ZNF778: variants seen among roughly 807,000 people sequenced by gnomAD.
ZNF778 encodes the protein zinc finger protein 778.
In ZNF778, 37 loss-of-function variants were observed where a neutral mutation model predicts 23.9. The ratio of observed to expected loss-of-function variants is 1.54; its 90% CI spans 1.19 to 2.03. The LOEUF (loss-of-function observed/expected upper bound fraction) is 2.03, where lower values mean the gene tolerates loss of function less well. Among genes scored for constraint, ZNF778 ranks in the 30% most tolerant of loss-of-function variants. The pLI is 0.00. For synonymous variants in ZNF778, 483 were observed against 343.9 expected, an observed-to-expected ratio of 1.40 and a Z score of -4.48; for missense variants, 1,297 against 934.4, an observed-to-expected ratio of 1.39 and a Z score of -5.06.
At chr16:89,218,866 G>A (rs965074032) in intron 1 of ZNF778, among the ~76,000 whole-genome samples, 1 of 152,036 alleles carries the variant, frequency 6.6e-6, no homozygotes, top group African/African-American at 2.4e-5. Context: ...CTAGCACTTT[G>A]GGAGGCCGAG....
At chr16:89,219,526 A>G (rs757649719) in intron 1 of ZNF778, among the ~76,000 whole-genome samples, 3 of 152,150 alleles carry the variant, frequency 2.0e-5, no homozygotes, top group Non-Finnish European at 4.4e-5. Context: ...GCCCCAGCCT[A>G]TTTCTGAAAA....
At chr16:89,223,562 C>A (rs1036132887) in intron 4 of ZNF778, among the ~76,000 whole-genome samples, 1 of 152,180 alleles carries the variant, frequency 6.6e-6, no homozygotes, top group Admixed American at 6.5e-5. Context: ...TCTCCTGTAA[C>A]AAGCCCTCCC....
In ZNF778 at chr16:89,228,272, G is replaced by A. The variant is rs1383882373; in HGVS notation, c.1984G>A (p.Glu662Lys). The A allele has an allele frequency of 2.6e-5, 41 of 1,605,324 alleles. No homozygotes were observed. The highest frequency in any genetic ancestry group is 3.4e-5 in the Admixed American group (2 of 59,658). ...CTTTGCTTCCTCCTCACACCTTATC[G>A]AACACAGAAGGACTCACACAGGAGA... ...KAFASSSHLI[E>K]HRRTHTGEKP... Residue 662 changes from glutamate (E) to lysine (K), a missense_variant, in exon 7 of 7, where the codon GAA becomes AAA. Transcript: ENST00000433976.
In ZNF778 at chr16:89,234,978, C is replaced by G. The variant is rs1235016040; in HGVS notation, c.*6416C>G. On this transcript the variant is annotated 3_prime_UTR_variant, in exon 7 of 7. Coordinates refer to ENST00000433976, the MANE Select transcript of ZNF778 (RefSeq NM_001201407.2). ...CAAATTTATACAACCTTTCCTTTAT[C>G]TTCATCAGAAATTTCTTTTCTCCTA... The G allele has an allele frequency of 6.6e-6, 1 of 152,108 alleles. No individual in the cohort carries two copies. Among genetic ancestry groups the G allele is most frequent in the East Asian group, 1.9e-4 (1 of 5,188 alleles). 9.4% of individuals were successfully genotyped at this position (152,108 alleles called of 1,614,324 possible). A position where few individuals can be genotyped will look rare whatever the true frequency, so the allele number is the denominator to read the frequency against.
In ZNF778 at chr16:89,228,328, A is replaced by G; in HGVS notation, c.2040A>G (p.Lys680=). 4 of 1,613,864 alleles carry G rather than the reference A, an allele frequency of 2.5e-6. No individual in the cohort carries two copies. The highest frequency in any genetic ancestry group is 3.4e-6 in the Non-Finnish European group (4 of 1,179,808). The change falls in exon 7 of 7, where the codon AAA becomes AAG. Residue 680 remains lysine (K), a synonymous_variant. Transcript: ENST00000433976. ...CTTACATATGTAACGAGTGTGGGAA[A>G]GCCTTCCGTGCCTCCTCTCACCTGC... ...EKPYICNECG[K]AFRASSHLHK...
chr16:89,223,422 T>C, intron 4 of ZNF778, 139 bp downstream of exon 4: 2 of 1,221,710 alleles, frequency 1.6e-6, no homozygotes, highest in Admixed American at 4.5e-5. Flanking sequence ...GGCTTGGTGC[T>C]AGTGTGGTCG....
chr16:89,229,072 A>G lies in ZNF778; in HGVS notation c.*510A>G, dbSNP rs1232811861. On this transcript the variant is annotated 3_prime_UTR_variant, in exon 7 of 7. Coordinates refer to ENST00000433976, the MANE Select transcript of ZNF778 (RefSeq NM_001201407.2). ...TTCTGTAGACGTATTTTGAATCTTTATGATGCTGCACTGATCATTCTTGGA... is the reference window on the plus strand; with the variant it reads ...TTCTGTAGACGTATTTTGAATCTTTGTGATGCTGCACTGATCATTCTTGGA... The G allele has an allele frequency of 1.0e-5, 10 of 992,240 alleles. No individual in the cohort carries two copies. The highest frequency in any genetic ancestry group is 1.2e-5 in the Non-Finnish European group (10 of 834,390). 61.5% of individuals were successfully genotyped at this position (992,240 alleles called of 1,614,324 possible).
At position 89,227,121 on chromosome 16, in the gene ZNF778, G is replaced by C; in HGVS notation, c.833G>C (p.Arg278Thr). Residue 278 changes from arginine to threonine, a missense_variant, in exon 7 of 7, where the codon AGG (arginine) becomes ACG (threonine). Coordinates refer to ENST00000433976, the MANE Select transcript of ZNF778 (RefSeq NM_001201407.2). The stretch of plus-strand genomic sequence containing the variant: ...ACACCTGTTGAAATGCATGCCGTCA[G>C]GAATCCCCACGTATGTAGGGAATGT... ...CATPVEMHAV[R>T]NPHVCRECGK... 1 of 1,614,060 alleles carries C rather than the reference G, an allele frequency of 6.2e-7. No individual in the cohort carries two copies. Among genetic ancestry groups the C allele is most frequent in the East Asian group, 2.2e-5 (1 of 44,888 alleles).
intron 4 of ZNF778, among the ~76,000 whole-genome samples, chr16:89,223,847 C>G (rs1480016910): frequency 1.3e-5 from 2 of 149,878 alleles, no homozygotes; most frequent in African/African-American, 2.4e-5. Flanking sequence ...GCACTCCAGC[C>G]TGGGTGACAG....
In ZNF778 at chr16:89,217,779, C is replaced by T. The variant is rs1312700716; in HGVS notation, c.-263C>T. 6.6e-6 allele frequency: 1 copy of T among 152,208 alleles called. No individual in the cohort carries two copies. Among genetic ancestry groups the T allele is most frequent in the African/African-American group, 2.4e-5 (1 of 41,456 alleles). 9.4% of individuals were successfully genotyped at this position (152,208 alleles called of 1,614,324 possible). A position where few individuals can be genotyped will look rare whatever the true frequency, so the allele number is the denominator to read the frequency against. On this transcript the variant is annotated 5_prime_UTR_variant, in exon 1 of 7. Coordinates refer to ENST00000433976, the MANE Select transcript of ZNF778 (RefSeq NM_001201407.2). ...GTTCCGCGCGTGTCCTCGGGCTGTC[C>T]GCGGGGAAGCTGGTCCGGGAGTGGG...
intron 1 of ZNF778, among the ~76,000 whole-genome samples, chr16:89,220,022 C>T (rs1452839344): frequency 6.6e-6 from 1 of 152,154 alleles, no homozygotes; most frequent in African/African-American, 2.4e-5. Context: ...TCACTGTATC[C>T]AACCAGCCTC....
chr16:89,223,103 G>A (rs772775415), intron 3 of ZNF778, 54 bp from the exon 4 acceptor site: 85 of 1,585,056 alleles, frequency 5.4e-5, no homozygotes, highest in Non-Finnish European at 7.0e-5. Flanking sequence ...TCATTCTTCA[G>A]TGAATACCGA....
rs1166936757 is a variant in ZNF778, at chr16:89,232,999, AG to A, written c.*4438del. On this transcript the variant is annotated 3_prime_UTR_variant, in exon 7 of 7. Transcript: ENST00000433976. The stretch of plus-strand genomic sequence containing the variant: ...TGAGCTCGCTCTGCGTATGCAACCC[AG>A]CTCGCTCTGCGTATGCAACTCAAGT... The A allele has an allele frequency of 1.5e-5, 19 of 1,266,522 alleles. No individual in the cohort carries two copies. Among genetic ancestry groups the A allele is most frequent in the Admixed American group, 4.8e-5 (2 of 41,762 alleles). 78.5% of individuals were successfully genotyped at this position (1,266,522 alleles called of 1,614,324 possible). A position where few individuals can be genotyped will look rare whatever the true frequency, so the allele number is the denominator to read the frequency against.
In ZNF778 at chr16:89,234,045, C is replaced by A; in HGVS notation, c.*5483C>A. On this transcript the variant is annotated 3_prime_UTR_variant, in exon 7 of 7. Coordinates refer to ENST00000433976, the MANE Select transcript of ZNF778 (RefSeq NM_001201407.2). ...TGGCCTCTGCCTCCCCTGGCTCTGA[C>A]TTCTGCCTCCTGCCCAGCTCTGCAG... The A allele has an allele frequency of 2.3e-6, 2 of 857,440 alleles. No homozygotes were observed. The highest frequency in any genetic ancestry group is 3.4e-6 in the Non-Finnish European group (2 of 593,946). The allele number at this position is 857,440 out of a possible 1,614,324, so 53.1% of individuals were successfully genotyped here.
At position 89,222,075 on chromosome 16, in the gene ZNF778, C is replaced by T. The variant is rs1039476838; in HGVS notation, c.26-17C>T. ...AGCTCTGGGTTCTCATGCCTTCTTG[C>T]CTTCTTTGTTTTTTAGGAGGTCATG... On this transcript the variant is annotated splice_polypyrimidine_tract_variant and intron_variant, in intron 2 of 6. Transcript: ENST00000433976. 1.3e-5 allele frequency: 20 copies of T among 1,572,540 alleles called. No homozygotes were observed. The highest frequency in any genetic ancestry group is 1.2e-5 in the Non-Finnish European group (14 of 1,151,994).
Position 89,227,929 on chromosome 16 carries a change from A to G in ZNF778, c.1641A>G (p.Leu547=), listed in dbSNP as rs1410599326. The G allele has an allele frequency of 1.9e-6, 3 of 1,613,806 alleles. No individual in the cohort carries two copies. The highest frequency in any genetic ancestry group is 2.2e-5 in the East Asian group (1 of 44,862). ...GGAAAGCCTACAATAGGGTTTATCT[A>G]CTGAATGAGCATGTGAAAACTCACA... The part of the protein sequence containing the change: ...DCGKAYNRVY[L]LNEHVKTHTE... Residue 547 remains leucine (L), a synonymous_variant, in exon 7 of 7, where the codon CTA becomes CTG. Transcript: ENST00000433976.
rs150830617 is a variant in ZNF778, at chr16:89,224,749, A to G, written c.275A>G (p.Tyr92Cys). 3,047 of 1,535,202 alleles carry G rather than the reference A, an allele frequency of 2.0e-3. 33 individuals carry two copies. In the Admixed American group the frequency reaches 0.027, roughly 14 times the overall value. The change falls in exon 5 of 7, where the codon TAT becomes TGT. Residue 92 changes from tyrosine to cysteine, a missense_variant. Tyr to Cys is a radical substitution (Grantham distance 194, BLOSUM62 -2). Transcript: ENST00000433976. Reference protein sequence around the residue: ...GHHLFQPSVIYWLEQEEELRA... With the variant: ...GHHLFQPSVICWLEQEEELRA... The stretch of plus-strand genomic sequence containing the variant: ...CACCTGTTCCAACCCAGTGTGATCT[A>G]TTGGCTGGAGCAGGAAGAGGAGTTG...
intron 5 of ZNF778, 45 bp from the exon 6 acceptor site, chr16:89,225,510 A>G (rs1174966076): frequency 6.8e-7 from 1 of 1,465,986 alleles, no homozygotes; most frequent in South Asian, 1.2e-5. Flanking sequence ...GAAAACAAAT[A>G]CCAATGAGTT....
At chr16:89,218,148 G>A (rs1172279556) in intron 1 of ZNF778, 1 of 152,254 alleles carries the variant, frequency 6.6e-6, no homozygotes, top group African/African-American at 2.4e-5. Flanking sequence ...GGGCGGGAGG[G>A]ATGCGGCCGT....
Sources: gnomAD v4.1 joint callset for allele counts (sites outside exome capture counted in the v4.1 genomes callset) on GRCh38, gnomAD v4.1.1 for gene constraint, MANE v1.5 for transcripts, NCBI Gene and HGNC (gene_info 2026-07-23, HGNC 2026-07-21) for gene names.